The following PCDHA13 variants were observed in gnomAD, a reference collection of about 807,000 sequenced individuals.
The protein encoded by PCDHA13 is protocadherin alpha-13.
A neutral mutation model predicts 64.8 loss-of-function variants in PCDHA13; 54 were observed. The observed-to-expected ratio is 0.83, with a 90% CI of 0.67 to 1.04. The LOEUF (loss-of-function observed/expected upper bound fraction) is 1.04, where lower values mean the gene tolerates loss of function less well. Ranked by LOEUF, PCDHA13 falls within the 50% of genes least tolerant of loss-of-function variation. The pLI is 0.00. For missense variants in PCDHA13, 1,248 were observed against 1,254.3 expected (o/e 0.99, Z 0.08); for synonymous variants, 587 against 564.4 (o/e 1.04, Z -0.57).
chr5:140,942,391 G>A (rs901640537), intron 1 of PCDHA13, among the ~76,000 whole-genome samples: 1 of 151,546 alleles, frequency 6.6e-6, no homozygotes, highest in Non-Finnish European at 1.5e-5. Context: ...CAGCCTGGGC[G>A]ACAGATGAGA....
intron 1 of PCDHA13, among the ~76,000 whole-genome samples, chr5:140,948,548 A>G (rs1300192349): frequency 6.6e-6 from 1 of 151,532 alleles, no homozygotes; most frequent in Non-Finnish European, 1.5e-5. Flanking sequence ...TGCTCTGTCA[A>G]TTTTGTTAAG....
intron 1 of PCDHA13, among the ~76,000 whole-genome samples, chr5:140,909,217 C>T (rs2074379679): frequency 6.6e-6 from 1 of 152,106 alleles, no homozygotes; most frequent in Non-Finnish European, 1.5e-5. Context: ...GTTGATATAC[C>T]CCTGAGGTAG....
intron 1 of PCDHA13, among the ~76,000 whole-genome samples, chr5:140,945,540 CA>C (rs1330025999): frequency 1.3e-5 from 2 of 151,706 alleles, no homozygotes; most frequent in African/African-American, 2.4e-5. Flanking sequence ...AACATACAAA[CA>C]AAAAAATGAA....
intron 1 of PCDHA13, among the ~76,000 whole-genome samples, chr5:140,965,094 A>G (rs1289535686): frequency 6.6e-6 from 1 of 152,236 alleles, no homozygotes; most frequent in Non-Finnish European, 1.5e-5. Context: ...TCCAGTCCAT[A>G]GCTAGAAAAT....
intron 1 of PCDHA13, among the ~76,000 whole-genome samples, chr5:140,965,887 T>C (rs1357808186): frequency 6.6e-6 from 1 of 152,214 alleles, no homozygotes; most frequent in Non-Finnish European, 1.5e-5. Context: ...GAGAGCAGAA[T>C]TGAGTCTTGG....
At chr5:140,944,385 C>T (rs1273075803) in intron 1 of PCDHA13, among the ~76,000 whole-genome samples, 4 of 152,092 alleles carry the variant, frequency 2.6e-5, no homozygotes, top group Non-Finnish European at 5.9e-5. Flanking sequence ...TGGAGTCTCA[C>T]TGTGTTATCC....
At chr5:140,923,616 A>T (rs2081445050) in intron 1 of PCDHA13, among the ~76,000 whole-genome samples, 1 of 152,234 alleles carries the variant, frequency 6.6e-6, no homozygotes, top group African/African-American at 2.4e-5. Flanking sequence ...TTATCTGGTC[A>T]TCTTATCCAA....
intron 1 of PCDHA13, among the ~76,000 whole-genome samples, chr5:140,897,593 G>A (rs1185165472): frequency 6.6e-6 from 1 of 152,014 alleles, no homozygotes; most frequent in Non-Finnish European, 1.5e-5. Context: ...TGTCATTGTT[G>A]GACATTTGGG....
chr5:140,976,378 C>A (rs908008970), intron 1 of PCDHA13, among the ~76,000 whole-genome samples: 2 of 151,926 alleles, frequency 1.3e-5, no homozygotes, highest in Non-Finnish European at 2.9e-5. Flanking sequence ...TGGTGAAACC[C>A]CATCTCTACT....
chr5:140,938,166 G>A (rs2091953104), intron 1 of PCDHA13, among the ~76,000 whole-genome samples: 2 of 151,980 alleles, frequency 1.3e-5, no homozygotes, highest in South Asian at 4.1e-4. Flanking sequence ...GGCTAGTCTG[G>A]AGCTCCTGGG....
chr5:140,982,802 T>G (rs2153829847), intron 3 of PCDHA13, among the ~76,000 whole-genome samples: 1 of 152,122 alleles, frequency 6.6e-6, no homozygotes, highest in South Asian at 2.1e-4. Context: ...TGCATGTGTG[T>G]GTGTGTGTAT....
intron 3 of PCDHA13, among the ~76,000 whole-genome samples, chr5:140,994,117 G>A (rs889813029): frequency 2.6e-5 from 4 of 152,198 alleles, no homozygotes; most frequent in Admixed American, 6.5e-5. Flanking sequence ...ATTGTCATGT[G>A]ATAAGGGCGA....
chr5:140,992,017 C>CTGTGTG (rs10602499), intron 3 of PCDHA13, among the ~76,000 whole-genome samples: 2,290 of 145,594 alleles, frequency 0.016, 56 homozygotes, highest in African/African-American at 0.05. Flanking sequence ...AGAGGTGGCT[C>CTGTGTG]TGTGTGTGTG....
chr5:141,000,005 C>T (rs2097888446), intron 3 of PCDHA13, among the ~76,000 whole-genome samples: 1 of 152,024 alleles, frequency 6.6e-6, no homozygotes. Context: ...ATTAGATTGG[C>T]CTCCCCATTG....
At chr5:140,995,698 G>T (rs963042409) in intron 3 of PCDHA13, among the ~76,000 whole-genome samples, 1 of 152,104 alleles carries the variant, frequency 6.6e-6, no homozygotes, top group African/African-American at 2.4e-5. Context: ...TTAAATAAAG[G>T]GCTGGGCTTG....
Position 140,994,560 on chromosome 5 carries a change from C to T in PCDHA13, c.2542+11997C>T, listed in dbSNP as rs140191916. Among the ~76,000 whole-genome samples, 970 of 152,032 alleles carry T rather than the reference C, an allele frequency of 6.4e-3. 14 individuals carry two copies. Among genetic ancestry groups the T allele is most frequent in the African/African-American group, 0.023 (943 of 41,474 alleles). On this transcript the variant is annotated intron_variant, in intron 3 of 3. Coordinates refer to ENST00000289272, the MANE Select transcript of PCDHA13 (RefSeq NM_018904.3). ...TCTACAAAAAAAATATAAAAATTAG[C>T]CGGGTGTGGTGGCATGCACTTGTAG...
rs115221257 is a variant in PCDHA13 at position 140,951,407 on chromosome 5, A to G, written c.2395-27542A>G. On this transcript the variant is annotated intron_variant, in intron 1 of 3. Transcript: ENST00000289272. ...GGTAATTTATAAAGAAAAGAGGTTTAATTGGCTCACAGTTCCACAGGCTGT... is the reference window on the plus strand; with the variant it reads ...GGTAATTTATAAAGAAAAGAGGTTTGATTGGCTCACAGTTCCACAGGCTGT... Among the ~76,000 whole-genome samples the G allele has an allele frequency of 4.7e-3, 715 of 152,182 alleles. 3 individuals are homozygous for G. Among genetic ancestry groups the G allele is most frequent in the African/African-American group, 0.015 (625 of 41,530 alleles).
At chr5:140,968,580 C>T (rs782395602) in intron 1 of PCDHA13, 1 of 1,614,218 alleles carries the variant, frequency 6.2e-7, no homozygotes, top group Admixed American at 1.7e-5. Context: ...TACCTGGTCA[C>T]CAAAGTCATA....
chr5:140,882,282 G>A lies in PCDHA13; in HGVS notation c.14G>A (p.Trp5Ter). The change falls in exon 1 of 4, where the codon TGG becomes TAG. Residue 5 changes from tryptophan (W) to a stop codon, truncating the protein, a stop_gained. Transcript: ENST00000289272. LOFTEE classifies it high-confidence loss of function. MLSS[W>*]QGGPRPRQLL... ...TTGGAGTGTACCATGCTGTCTTCCT[G>A]GCAAGGAGGCCCAAGACCGCGGCAA... 1.9e-6 allele frequency: 3 copies of A among 1,612,830 alleles called. No homozygotes were observed. The highest frequency in any genetic ancestry group is 2.5e-6 in the Non-Finnish European group (3 of 1,179,142).
Sources: allele counts gnomAD v4.1 joint callset (sites outside exome capture counted in the v4.1 genomes callset), GRCh38; gene constraint gnomAD v4.1.1; transcripts MANE v1.5; gene names NCBI Gene and HGNC (gene_info 2026-07-23, HGNC 2026-07-21).